The following CAMTA1 variants were observed in gnomAD, a reference collection of about 807,000 sequenced individuals.
CAMTA1 encodes the protein calmodulin binding transcription activator 1.
Under a neutral mutation model 170.9 loss-of-function variants are expected in CAMTA1, and 27 were observed. The ratio of observed to expected loss-of-function variants is 0.16; its 90% CI spans 0.12 to 0.22. CAMTA1 has a LOEUF of 0.22. Among genes scored for constraint, CAMTA1 ranks in the 10% least tolerant of loss-of-function variants. The pLI is 1.00. For missense variants in CAMTA1, 1,619 were observed against 2,217.2 expected, an observed-to-expected ratio of 0.73 and a Z score of 5.42; for synonymous variants, 833 against 891.5, an observed-to-expected ratio of 0.93 and a Z score of 1.17.
chr1:7,048,804 G>A (rs1705827466), intron 3 of CAMTA1, among the ~76,000 whole-genome samples: 1 of 152,168 alleles, frequency 6.6e-6, no homozygotes, highest in Non-Finnish European at 1.5e-5. Flanking sequence ...CACAGTCTGT[G>A]TGTTCCTCAG....
At chr1:7,365,956 G>T (rs1266108986) in intron 5 of CAMTA1, among the ~76,000 whole-genome samples, 1 of 152,184 alleles carries the variant, frequency 6.6e-6, no homozygotes, top group African/African-American at 2.4e-5. Context: ...CAACCTGGGG[G>T]TGTCCTCTAT....
chr1:7,530,817 T>TTG (rs1403600629), intron 6 of CAMTA1, among the ~76,000 whole-genome samples: 2 of 146,372 alleles, frequency 1.4e-5, no homozygotes, highest in African/African-American at 5.1e-5. Context: ...CTCTTGTTTT[T>TTG]TTTTTTTTTT....
intron 16 of CAMTA1, among the ~76,000 whole-genome samples, chr1:7,743,814 CT>C (rs1355824479): frequency 1.3e-5 from 2 of 151,038 alleles, no homozygotes; most frequent in East Asian, 1.9e-4. Context: ...TTTGAGGATT[CT>C]TTTTTTCTTT....
At chr1:7,279,707 C>T (rs1411343235) in intron 5 of CAMTA1, among the ~76,000 whole-genome samples, 1 of 152,140 alleles carries the variant, frequency 6.6e-6, no homozygotes, top group African/African-American at 2.4e-5. Flanking sequence ...ACTTCCAAAG[C>T]CCACAGTGTG....
chr1:6,969,308 C>T (rs1692117137), intron 3 of CAMTA1, among the ~76,000 whole-genome samples: 1 of 152,108 alleles, frequency 6.6e-6, no homozygotes, highest in Non-Finnish European at 1.5e-5. Flanking sequence ...GAGGCGGCAG[C>T]GGGATGCCTG....
rs952587738 is a variant in CAMTA1 at position 7,488,689 on chromosome 1, A to T, written c.510+20788A>T. ...TAAACACTTGCATACACACACATATACACATAAATATATACATATGCATAC... is the reference window on the plus strand; with the variant it reads ...TAAACACTTGCATACACACACATATTCACATAAATATATACATATGCATAC... On this transcript the variant is annotated intron_variant, in intron 6 of 22. Coordinates refer to ENST00000303635, the MANE Select transcript of CAMTA1 (RefSeq NM_015215.4). Among the ~76,000 whole-genome samples, 3 of 152,340 alleles carry T rather than the reference A, an allele frequency of 2.0e-5. No individual in the cohort carries two copies. In the East Asian group the frequency reaches 5.8e-4, roughly 29 times the overall value.
intron 3 of CAMTA1, among the ~76,000 whole-genome samples, chr1:6,988,872 C>T (rs974008615): frequency 2.0e-5 from 3 of 152,182 alleles, no homozygotes; most frequent in Admixed American, 6.5e-5. Context: ...GCTGGCTGCC[C>T]GAGGGACTGG....
chr1:7,127,071 G>A (rs1219533734), intron 4 of CAMTA1, among the ~76,000 whole-genome samples: 4 of 152,146 alleles, frequency 2.6e-5, no homozygotes, highest in Admixed American at 1.3e-4. Context: ...GCCGGGTCCA[G>A]GACTGCCACT....
chr1:7,665,057 A>C lies in CAMTA1; in HGVS notation c.2510A>C (p.Glu837Ala). ...GGTAGCCTGCAGCTGAGCAGCTCGG[A>C]GGGCGGGGCCAGCACCATGGCCTAC... Reference protein sequence around the residue: ...QQGSLQLSSSEGGASTMAYMH... With the variant: ...QQGSLQLSSSAGGASTMAYMH... Residue 837 changes from glutamate to alanine, a missense_variant, in exon 9 of 23, where the codon GAG (glutamate) becomes GCG (alanine). Transcript: ENST00000303635. The surrounding 1 kb of genome is among the most constrained non-coding windows in gnomAD (Gnocchi z 4.3). The C allele has an allele frequency of 6.3e-7, 1 of 1,574,888 alleles. No homozygotes were observed. Among genetic ancestry groups the C allele is most frequent in the Non-Finnish European group, 8.6e-7 (1 of 1,159,752 alleles).
chr1:7,245,886 A>C (rs1409578671), intron 4 of CAMTA1, among the ~76,000 whole-genome samples: 1 of 152,104 alleles, frequency 6.6e-6, no homozygotes, highest in African/African-American at 2.4e-5. Flanking sequence ...GAGGAATGCA[A>C]ATGAAGGGCC....
At chr1:7,133,101 G>A (rs1645355427) in intron 4 of CAMTA1, among the ~76,000 whole-genome samples, 1 of 152,066 alleles carries the variant, frequency 6.6e-6, no homozygotes, top group South Asian at 2.1e-4. Flanking sequence ...GCTAGATTTA[G>A]AAAATTAGGA....
At chr1:7,701,682 A>G (rs1249059540) in intron 11 of CAMTA1, among the ~76,000 whole-genome samples, 1 of 152,016 alleles carries the variant, frequency 6.6e-6, no homozygotes, top group Non-Finnish European at 1.5e-5. Flanking sequence ...AGCCTCCTAA[A>G]AGTACTGGGA....
chr1:6,926,440 C>CTTTCTTTCTTTCTT (rs1557837670), intron 3 of CAMTA1, among the ~76,000 whole-genome samples: 4 of 31,446 alleles, frequency 1.3e-4, no homozygotes, highest in African/African-American at 7.9e-4. Flanking sequence ...TTTCTTTTCT[C>CTTTCTTTCTTTCTT]TTTCTTTCTT....
At chr1:7,087,119 C>G (rs1236152231) in intron 3 of CAMTA1, among the ~76,000 whole-genome samples, 1 of 152,210 alleles carries the variant, frequency 6.6e-6, no homozygotes, top group African/African-American at 2.4e-5. Context: ...ATAGACCAGA[C>G]CTGTGTTTTC....
At chr1:6,793,046 T>A (rs1557554912) in intron 1 of CAMTA1, among the ~76,000 whole-genome samples, 1 of 150,788 alleles carries the variant, frequency 6.6e-6, no homozygotes, top group Non-Finnish European at 1.5e-5. Context: ...TACCCCACTC[T>A]TATATATATA....
At chr1:7,276,075 T>C (rs1670544178) in intron 5 of CAMTA1, among the ~76,000 whole-genome samples, 1 of 151,460 alleles carries the variant, frequency 6.6e-6, no homozygotes. Flanking sequence ...GTGTGCAAAG[T>C]TGGTTTAACA....
At chr1:7,429,778 G>A (rs1252155551) in intron 5 of CAMTA1, among the ~76,000 whole-genome samples, 2 of 151,736 alleles carry the variant, frequency 1.3e-5, no homozygotes, top group Non-Finnish European at 2.9e-5. Flanking sequence ...TCTGCATGCT[G>A]TACAGGAAGC....
chr1:7,706,060 A>G (rs1322378031), intron 11 of CAMTA1, among the ~76,000 whole-genome samples: 1 of 152,222 alleles, frequency 6.6e-6, no homozygotes, highest in Non-Finnish European at 1.5e-5. Context: ...GCATTTCTCT[A>G]CAAATCAGGT....
intron 4 of CAMTA1, among the ~76,000 whole-genome samples, chr1:7,194,268 TCCTC>T (rs988824570): frequency 2.8e-4 from 43 of 152,330 alleles, no homozygotes; most frequent in African/African-American, 9.9e-4. Flanking sequence ...AACAGCTCTG[TCCTC>T]CAAAGATATG....
Sources: gnomAD v4.1 joint callset for allele counts (sites outside exome capture counted in the v4.1 genomes callset) on GRCh38, gnomAD v4.1.1 for gene constraint, Gnocchi (gnomAD v3.1) non-coding constraint, MANE v1.5 for transcripts, NCBI Gene and HGNC (gene_info 2026-07-23, HGNC 2026-07-21) for gene names.